Variants in RABEP2 observed in about 807,000 individuals in gnomAD.
The protein encoded by RABEP2 is rab GTPase-binding effector protein 2.
RABEP2 carries 57 observed loss-of-function variants against 74.1 expected under a neutral mutation model. That is an observed-to-expected ratio of 0.77 (90% CI 0.62 to 0.96). The LOEUF is 0.96. Ranked by LOEUF, RABEP2 falls within the 40% of genes least tolerant of loss-of-function variation. The pLI, the probability that RABEP2 is intolerant of heterozygous loss-of-function variation, is 0.00. For missense variants in RABEP2, 692 were observed against 756.3 expected (o/e 0.91, Z 1.00); for synonymous variants, 351 against 344.0 (o/e 1.02, Z -0.23).
chr16:28,914,163 C>T (rs1964351880), intron 5 of RABEP2, 73 bp downstream of exon 5: 2 of 1,302,006 alleles, frequency 1.5e-6, no homozygotes, highest in East Asian at 2.4e-5. Context: ...TGGGTCTGAA[C>T]ACAGGTGGTG....
rs751049523 is a variant in RABEP2, at chr16:28,924,632, T to C, written c.62-17A>G. 39 of 1,601,006 alleles carry C rather than the reference T, an allele frequency of 2.4e-5. No individual in the cohort carries two copies. In the African/African-American group the frequency reaches 2.8e-4, roughly 12 times the overall value. On this transcript the variant is annotated splice_polypyrimidine_tract_variant and intron_variant, in intron 1 of 12. Coordinates refer to ENST00000358201, the MANE Select transcript of RABEP2 (RefSeq NM_024816.3). ...CCTCCAGTGCTGTGGGGGACAGGGA[T>C]CAGCCTCTCTTCCCATCTCTTACCC...
chr16:28,916,616 G>A (rs1259697306), intron 3 of RABEP2, among the ~76,000 whole-genome samples: 1 of 145,664 alleles, frequency 6.9e-6, no homozygotes, highest in East Asian at 2.0e-4. Flanking sequence ...AGGTTGCAGT[G>A]AGCCAAGATC....
intron 2 of RABEP2, chr16:28,921,113 C>T (rs969216424): frequency 2.7e-5 from 12 of 452,732 alleles, no homozygotes; most frequent in African/African-American, 2.4e-4. Flanking sequence ...ATCCTCCCGT[C>T]TCAGCCTCCC....
intron 3 of RABEP2, 93 bp from the exon 4 acceptor site, chr16:28,914,875 C>G: frequency 8.8e-6 from 9 of 1,026,834 alleles, no homozygotes; most frequent in Middle Eastern, 2.1e-4. Context: ...CACATCAGCT[C>G]TCCTAATCCT....
intron 3 of RABEP2, 50 bp downstream of exon 3, chr16:28,919,736 C>T: frequency 6.4e-7 from 1 of 1,566,208 alleles, no homozygotes; most frequent in Non-Finnish European, 8.7e-7. Flanking sequence ...CCACAGTCCT[C>T]AACATTCTTC....
Position 28,914,289 on chromosome 16 carries a change from G to T in RABEP2, c.841C>A (p.Pro281Thr). The T allele has an allele frequency of 6.2e-7, 1 of 1,612,460 alleles. No homozygotes were observed. The highest frequency in any genetic ancestry group is 8.5e-7 in the Non-Finnish European group (1 of 1,179,882). Residue 281 changes from proline to threonine, a missense_variant, in exon 5 of 13, where the codon CCT (proline) becomes ACT (threonine). Transcript: ENST00000358201. ...TCTGGGACGAGCTGGTAGCCAGGAG[G>T]GGGCAGGTAGATGCCCTCGGGAACC... ...TLVPEGIYLP[P>T]PGYQLVPDTQ...
chr16:28,905,722 C>T lies in RABEP2; in HGVS notation c.1473G>A (p.Val491=). The change falls in exon 11 of 13, where the codon GTG becomes GTA. Residue 491 remains valine, a synonymous_variant. Coordinates refer to ENST00000358201, the MANE Select transcript of RABEP2 (RefSeq NM_024816.3). ...CCCTCACCTTGCTCTGTTCCTGCTG[C>T]ACCCGCTCCATCTCTGTCCTCAGGC... The part of the protein sequence containing the change: ...LCSLRTEMER[V]QQEQSKAQLP... 1.9e-6 allele frequency: 3 copies of T among 1,614,022 alleles called. No individual in the cohort carries two copies. Among genetic ancestry groups the T allele is most frequent in the Non-Finnish European group, 2.5e-6 (3 of 1,179,936 alleles).
intron 2 of RABEP2, among the ~76,000 whole-genome samples, chr16:28,923,586 A>G (rs562776930): frequency 3.9e-5 from 6 of 152,366 alleles, no homozygotes; most frequent in Non-Finnish European, 7.3e-5. Context: ...TAAGTTGTAC[A>G]AGGATGTGTC....
At position 28,904,899 on chromosome 16, in the gene RABEP2, GA is replaced by G; in HGVS notation, c.*43del. 2 of 1,452,486 alleles carry G rather than the reference GA, an allele frequency of 1.4e-6. No individual in the cohort carries two copies. 90.0% of individuals were successfully genotyped at this position (1,452,486 alleles called of 1,614,324 possible). ...CGAGGCCTCATGGTTCAGGAGTGGG[GA>G]AAGGCGTCTTTCCCAGGGTGGGGGT... On this transcript the variant is annotated 3_prime_UTR_variant, in exon 13 of 13. Coordinates refer to ENST00000358201, the MANE Select transcript of RABEP2 (RefSeq NM_024816.3).
At chr16:28,911,330 C>T (rs1267106116) in intron 5 of RABEP2, 151 bp from the exon 6 acceptor site, 2 of 725,048 alleles carry the variant, frequency 2.8e-6, no homozygotes, top group Non-Finnish European at 4.6e-6. Context: ...CTTCACTCCC[C>T]ACCCATCAGC....
chr16:28,911,161 C>G lies in RABEP2; in HGVS notation c.913G>C (p.Asp305His). 6.2e-7 allele frequency: 1 copy of G among 1,611,398 alleles called. No homozygotes were observed. Among genetic ancestry groups the G allele is most frequent in the South Asian group, 1.1e-5 (1 of 91,076 alleles). ...LQTEGRQLQKDLESVSRERDE... is the reference protein window; with the variant it reads ...LQTEGRQLQKHLESVSRERDE... ...CGCTCGCGACTGACGCTCTCCAGGT[C>G]CTTCTGCAGCTGTCGGCCCTGCCAC... is the stretch of plus-strand genomic sequence containing the variant. The change falls in exon 6 of 13, where the codon GAC becomes CAC. Residue 305 changes from aspartate (D) to histidine (H), a missense_variant. Coordinates refer to ENST00000358201, the MANE Select transcript of RABEP2 (RefSeq NM_024816.3).
intron 3 of RABEP2, chr16:28,917,803 G>C (rs2152222427): frequency 6.6e-6 from 1 of 152,390 alleles, no homozygotes; most frequent in Non-Finnish European, 1.5e-5. Flanking sequence ...GCTCCCTGGG[G>C]AACACTCCGG....
At chr16:28,923,535 G>A (rs182778602) in intron 2 of RABEP2, among the ~76,000 whole-genome samples, 19 of 152,232 alleles carry the variant, frequency 1.2e-4, no homozygotes, top group South Asian at 4.1e-4. Context: ...CTTTTAAAAT[G>A]TGGATCTATT....
chr16:28,922,130 C>T (rs1477948942), intron 2 of RABEP2, among the ~76,000 whole-genome samples: 1 of 152,132 alleles, frequency 6.6e-6, no homozygotes, highest in Non-Finnish European at 1.5e-5. Context: ...TGCCACCATA[C>T]CCAGCTAAGG....
At position 28,916,531 on chromosome 16, in the gene RABEP2, C is replaced by T. The variant is rs1294530516; in HGVS notation, c.433-1749G>A. Reference sequence around the variant, plus strand: ...TACTAAAAATACAAAATTAGCCGGGCGTGGCAGTGGGCACCTGTAATCCCA... The same window carrying T: ...TACTAAAAATACAAAATTAGCCGGGTGTGGCAGTGGGCACCTGTAATCCCA... On this transcript the variant is annotated intron_variant, in intron 3 of 12. Transcript: ENST00000358201. Among the ~76,000 whole-genome samples, 8 of 151,510 alleles carry T rather than the reference C, an allele frequency of 5.3e-5. No individual in the cohort carries two copies. In the South Asian group the frequency reaches 6.3e-4, roughly 12 times the overall value.
chr16:28,908,485 A>G (rs1964266391), intron 8 of RABEP2, 124 bp downstream of exon 8: 1 of 1,005,390 alleles, frequency 9.9e-7, no homozygotes. Context: ...GCCTTAGAGA[A>G]GGCAAATGAG....
intron 6 of RABEP2, 23 bp downstream of exon 6, chr16:28,911,061 C>A: frequency 6.2e-7 from 1 of 1,612,020 alleles, no homozygotes; most frequent in Non-Finnish European, 8.5e-7. Flanking sequence ...CCGGCTGGGG[C>A]TGCAGCAGCG....
chr16:28,925,223 G>C lies in RABEP2; in HGVS notation c.-60C>G. 2 of 1,496,746 alleles carry C rather than the reference G, an allele frequency of 1.3e-6. No homozygotes were observed. Among genetic ancestry groups the C allele is most frequent in the Non-Finnish European group, 1.8e-6 (2 of 1,128,852 alleles). 92.7% of individuals were successfully genotyped at this position (1,496,746 alleles called of 1,614,324 possible). ...TGGTGACGGAGCGCACCGCTTCCGG[G>C]TCCTCTCGGCTGTTTCCGGATCCGC... On this transcript the variant is annotated 5_prime_UTR_variant, in exon 1 of 13. Transcript: ENST00000358201.
chr16:28,914,612 T>TG (rs752951563), intron 4 of RABEP2, 26 bp from the exon 5 acceptor site: 3 of 1,609,116 alleles, frequency 1.9e-6, no homozygotes, highest in East Asian at 2.2e-5. Context: ...GGGAAGAGGC[T>TG]GGGGGGCCAG....
Sources: allele counts gnomAD v4.1 joint callset (sites outside exome capture counted in the v4.1 genomes callset), GRCh38; gene constraint gnomAD v4.1.1; transcripts MANE v1.5; gene names NCBI Gene and HGNC (gene_info 2026-07-23, HGNC 2026-07-21).